The following FEZ2 variants were observed in gnomAD, a reference collection of about 807,000 sequenced individuals.
FEZ2 encodes fasciculation and elongation protein zeta-2.
A neutral mutation model predicts 40.4 loss-of-function variants in FEZ2; 51 were observed. That is an observed-to-expected ratio of 1.26 (90% confidence interval 1.01 to 1.59). The LOEUF (loss-of-function observed/expected upper bound fraction) is 1.59, where lower values mean the gene tolerates loss of function less well. Ranked by LOEUF, FEZ2 falls within the 40% of genes most tolerant of loss-of-function variation. The pLI is 0.00. For synonymous variants in FEZ2, 242 were observed against 172.0 expected (o/e 1.41, Z -3.18); for missense variants, 640 against 438.3 (o/e 1.46, Z -4.11).
At chr2:36,587,977 G>C (rs971596969) in intron 2 of FEZ2, among the ~76,000 whole-genome samples, 1 of 152,080 alleles carries the variant, frequency 6.6e-6, no homozygotes, top group African/African-American at 2.4e-5. Context: ...GAGATGATAG[G>C]TGAATGATCA....
At chr2:36,579,427 G>A (rs1197980344) in intron 4 of FEZ2, among the ~76,000 whole-genome samples, 1 of 152,180 alleles carries the variant, frequency 6.6e-6, no homozygotes, top group African/African-American at 2.4e-5. Flanking sequence ...TGCTGGAGGT[G>A]GGGCTTGGTG....
intron 5 of FEZ2, among the ~76,000 whole-genome samples, chr2:36,562,463 C>T (rs1668118948): frequency 9.2e-5 from 14 of 152,160 alleles, no homozygotes; most frequent in Admixed American, 9.2e-4. Flanking sequence ...ATTTTACTAC[C>T]TTACAGGAGA....
At chr2:36,591,295 G>A (rs753311390) in intron 1 of FEZ2, 1 of 361,338 alleles carries the variant, frequency 2.8e-6, no homozygotes, top group Non-Finnish European at 5.1e-6. Context: ...GCTAGGCACT[G>A]TTCTAAGCAA....
intron 5 of FEZ2, among the ~76,000 whole-genome samples, chr2:36,567,863 G>A (rs1668291773): frequency 6.6e-6 from 1 of 152,096 alleles, no homozygotes; most frequent in Non-Finnish European, 1.5e-5. Context: ...AGAGACCAGG[G>A]CAGTGAGACC....
In FEZ2 at chr2:36,597,990, G is replaced by A. The variant is rs538449049; in HGVS notation, c.153C>T (p.Ala51=). The A allele has an allele frequency of 4.4e-4, 666 of 1,497,070 alleles. 7 individuals carry two copies. The African/African-American group carries it at 8.7e-3, about 20-fold the overall frequency. The allele number at this position is 1,497,070 out of a possible 1,614,324, so 92.7% of individuals were successfully genotyped here. A position where few individuals can be genotyped will look rare whatever the true frequency, so the allele number is the denominator to read the frequency against. Residue 51 remains alanine, a synonymous_variant, in exon 1 of 8, where the codon GCC becomes GCT. Coordinates refer to ENST00000405912, the MANE Select transcript of FEZ2 (RefSeq NM_005102.3). ...GGCTCAGCTTCTCCTCCAAGCTGCA[G>A]GCCGGGGCCGGGAAACCGTCGGCGC... The part of the protein sequence containing the change: ...GGGADGFPAP[A]CSLEEKLSLC...
chr2:36,568,659 A>T (rs1668320531), intron 5 of FEZ2, among the ~76,000 whole-genome samples: 1 of 152,216 alleles, frequency 6.6e-6, no homozygotes, highest in African/African-American at 2.4e-5. Context: ...CAGGGAAATG[A>T]TTAAGCATTA....
chr2:36,557,479 T>C (rs1005376483), intron 6 of FEZ2: 4 of 152,206 alleles, frequency 2.6e-5, no homozygotes, highest in African/African-American at 9.6e-5. Context: ...TGCCCATTCC[T>C]CTTAAATTTC....
rs1183546779 is a variant in FEZ2 at position 36,553,177 on chromosome 2, G to C, written c.1048C>G (p.Leu350Val). The change falls in exon 8 of 8, where the codon CTG becomes GTG. Residue 350 changes from leucine (L) to valine (V), a missense_variant and splice_region_variant. Coordinates refer to ENST00000405912, the MANE Select transcript of FEZ2 (RefSeq NM_005102.3). ...SLLTDYILKV[L>V]CPT The stretch of plus-strand genomic sequence containing the variant: ...AAGTTGCTGCTCTATGTAGGACACA[G>C]AACTAGAAGAAAAAGAGAACTTTTA... 5.8e-6 allele frequency: 9 copies of C among 1,558,884 alleles called. No individual in the cohort carries two copies. In the Admixed American group the frequency reaches 7.6e-5, roughly 13 times the overall value.
chr2:36,590,951 C>T lies in FEZ2; in HGVS notation c.327G>A (p.Ser109=), dbSNP rs369406907. 19 of 1,612,950 alleles carry T rather than the reference C, an allele frequency of 1.2e-5. No homozygotes were observed. The African/African-American group carries it at 1.7e-4, about 15-fold the overall frequency. Residue 109 remains serine, a synonymous_variant, in exon 2 of 8, where the codon TCG becomes TCA. Transcript: ENST00000405912. ...TAAGCAAGTGCAAGGTCCTAGTATG[C>T]GATGACTTCCAGTCTACAGGCATCA... is the stretch of plus-strand genomic sequence containing the variant. ...GNVMPVDWKS[S]HTRTLHLLTL... is the part of the protein sequence containing the mutation.
chr2:36,558,537 T>G (rs1398462809), intron 5 of FEZ2, 24 bp from the exon 6 acceptor site: 2 of 1,352,778 alleles, frequency 1.5e-6, no homozygotes, highest in African/African-American at 3.0e-5. Context: ...AAAAAAAAAG[T>G]GTCACTTAAA....
intron 6 of FEZ2, chr2:36,556,593 C>G (rs1667967651): frequency 6.6e-6 from 1 of 152,242 alleles, no homozygotes; most frequent in African/African-American, 2.4e-5. Flanking sequence ...GGCTCTGCCA[C>G]TTCCTAATTG....
chr2:36,554,120 C>A, intron 7 of FEZ2: 2 of 439,112 alleles, frequency 4.6e-6, no homozygotes, highest in East Asian at 7.1e-5. Context: ...AACACATGCA[C>A]ACAGACAGCT....
Position 36,553,088 on chromosome 2 carries a change from G to A in FEZ2, c.*75C>T. On this transcript the variant is annotated 3_prime_UTR_variant, in exon 8 of 8. Transcript: ENST00000405912. ...GTGCTGAGTTTCCAATAGCAAGAAG[G>A]GTAATGGTAGCCAGCTCTCAGAATA... 1 of 1,237,982 alleles carries A rather than the reference G, an allele frequency of 8.1e-7. No homozygotes were observed. Among genetic ancestry groups the A allele is most frequent in the Non-Finnish European group, 1.2e-6 (1 of 864,798 alleles). 76.7% of individuals were successfully genotyped at this position (1,237,982 alleles called of 1,614,324 possible). A position where few individuals can be genotyped will look rare whatever the true frequency, so the allele number is the denominator to read the frequency against.
In FEZ2 at chr2:36,578,584, A is replaced by G. The variant is rs761420785; in HGVS notation, c.903+13T>C. The G allele has an allele frequency of 6.2e-7, 1 of 1,603,688 alleles. No homozygotes were observed. Among genetic ancestry groups the G allele is most frequent in the Non-Finnish European group, 8.5e-7 (1 of 1,175,748 alleles). On this transcript the variant is annotated intron_variant, in intron 5 of 7. Transcript: ENST00000405912. ...TTTCCAGTGTTCGACGCCTCCTGCAAAACATCACTTACTGTGCCGGGCATA... is the reference window on the plus strand; with the variant it reads ...TTTCCAGTGTTCGACGCCTCCTGCAGAACATCACTTACTGTGCCGGGCATA...
chr2:36,595,217 C>T (rs978290685), intron 1 of FEZ2, among the ~76,000 whole-genome samples: 4 of 152,116 alleles, frequency 2.6e-5, no homozygotes, highest in Non-Finnish European at 2.9e-5. Context: ...GATTCAAGCA[C>T]ATTACATTTA....
chr2:36,585,091 A>T (rs1668864078), intron 2 of FEZ2, among the ~76,000 whole-genome samples: 1 of 152,204 alleles, frequency 6.6e-6, no homozygotes, highest in South Asian at 2.1e-4. Flanking sequence ...AGAATCTAAA[A>T]GCTTCCAGGG....
intron 5 of FEZ2, among the ~76,000 whole-genome samples, chr2:36,569,648 A>G (rs747192195): frequency 3.5e-4 from 53 of 152,340 alleles, no homozygotes; most frequent in African/African-American, 1.3e-3. Context: ...TACACACAGC[A>G]TATTCACCAG....
At chr2:36,593,614 G>A (rs1174403570) in intron 1 of FEZ2, among the ~76,000 whole-genome samples, 1 of 152,044 alleles carries the variant, frequency 6.6e-6, no homozygotes, top group African/African-American at 2.4e-5. Flanking sequence ...GGAGCAGCTG[G>A]TACACAGGGC....
At chr2:36,578,988 A>G in intron 4 of FEZ2, 123 bp from the exon 5 acceptor site, 1 of 766,602 alleles carries the variant, frequency 1.3e-6, no homozygotes, top group Non-Finnish European at 2.1e-6. Flanking sequence ...AGCAAAAATC[A>G]TATTCCAAGC....
Sources: gnomAD v4.1 joint callset for allele counts (sites outside exome capture counted in the v4.1 genomes callset) on GRCh38, gnomAD v4.1.1 for gene constraint, MANE v1.5 for transcripts, NCBI Gene and HGNC (gene_info 2026-07-23, HGNC 2026-07-21) for gene names.